RCL1: variants seen among roughly 807,000 people sequenced by gnomAD.
RCL1 encodes RNA 3'-terminal phosphate cyclase-like protein.
A neutral mutation model predicts 42.4 loss-of-function variants in RCL1; 24 were observed. The ratio of observed to expected loss-of-function variants is 0.57; its 90% CI spans 0.41 to 0.80. RCL1 has a LOEUF of 0.80. Among genes scored for constraint, RCL1 ranks in the 30% least tolerant of loss-of-function variants. The pLI is 0.00. For synonymous variants in RCL1, 228 were observed against 177.3 expected (o/e 1.29, Z -2.27); for missense variants, 578 against 467.9 (o/e 1.24, Z -2.17).
At chr9:4,801,621 T>C (rs1366740816) in intron 1 of RCL1, among the ~76,000 whole-genome samples, 1 of 152,174 alleles carries the variant, frequency 6.6e-6, no homozygotes, top group Non-Finnish European at 1.5e-5. Flanking sequence ...ATTTTAATGA[T>C]GTAGAATTTA....
At chr9:4,809,354 G>C (rs1418102864) in intron 1 of RCL1, among the ~76,000 whole-genome samples, 1 of 151,602 alleles carries the variant, frequency 6.6e-6, no homozygotes, top group Non-Finnish European at 1.5e-5. Flanking sequence ...TCTGTCGCCA[G>C]GCTGGAGTGC....
At chr9:4,840,001 G>A in intron 5 of RCL1, 2 of 645,342 alleles carry the variant, frequency 3.1e-6, no homozygotes, top group Non-Finnish European at 3.8e-6. Flanking sequence ...AGTTGATGGT[G>A]CAGAGCTGAA....
chr9:4,803,739 G>C (rs1330992034), intron 1 of RCL1: 1 of 158,148 alleles, frequency 6.3e-6, no homozygotes, highest in Non-Finnish European at 1.4e-5. Flanking sequence ...AAAAAAAAAA[G>C]CTACTGAATT....
intron 7 of RCL1, 64 bp downstream of exon 7, chr9:4,844,745 C>A (rs45498993): frequency 1.3e-6 from 2 of 1,520,152 alleles, no homozygotes; most frequent in Non-Finnish European, 1.8e-6. Context: ...TCATTCTCAT[C>A]TCTTGGCAGC....
intron 6 of RCL1, among the ~76,000 whole-genome samples, chr9:4,842,662 C>T (rs766348511): frequency 4.6e-5 from 7 of 152,154 alleles, no homozygotes; most frequent in Non-Finnish European, 8.8e-5. Flanking sequence ...TAATACCTTG[C>T]TTGTCACATG....
chr9:4,846,896 T>TTTTTCTTG (rs1817534468), intron 7 of RCL1, among the ~76,000 whole-genome samples: 2 of 151,230 alleles, frequency 1.3e-5, no homozygotes, highest in South Asian at 4.2e-4. Context: ...ATATTTTTCT[T>TTTTTCTTG]TTTTTTTTTG....
chr9:4,846,654 C>T lies in RCL1; in HGVS notation c.867+1973C>T, dbSNP rs919458692. On this transcript the variant is annotated intron_variant, in intron 7 of 8. Transcript: ENST00000381750. ...TTTTCCTGGTCCTGTAGTGTCTGGC[C>T]GTGGCTGGTCCTGTAGTGGCCTTCT... Among the ~76,000 whole-genome samples, 9 of 152,136 alleles carry T rather than the reference C, an allele frequency of 5.9e-5. 1 individual carries two copies. Among genetic ancestry groups the T allele is most frequent in the East Asian group, 5.8e-4 (3 of 5,174 alleles).
At chr9:4,806,587 TACACACACACACACACACACACACACAC>T (rs71326137) in intron 1 of RCL1, among the ~76,000 whole-genome samples, 1 of 135,684 alleles carries the variant, frequency 7.4e-6, no homozygotes, top group African/African-American at 2.8e-5. Context: ...CTACTTGATC[TACACACACACACACACACACACACACAC>T]ACACACACAC....
intron 8 of RCL1, chr9:4,850,428 G>C: frequency 4.7e-6 from 2 of 422,506 alleles, no homozygotes; most frequent in Non-Finnish European, 1.1e-5. Context: ...GCACCCTTGG[G>C]CCATGGCGTT....
intron 5 of RCL1, among the ~76,000 whole-genome samples, chr9:4,837,433 T>G (rs1365420180): frequency 2.6e-5 from 4 of 152,132 alleles, no homozygotes; most frequent in Non-Finnish European, 5.9e-5. Flanking sequence ...ATTTTGGGTT[T>G]GTCTGGGGGG....
At chr9:4,839,926 G>C in intron 5 of RCL1, 2 of 985,410 alleles carry the variant, frequency 2.0e-6, no homozygotes, top group Non-Finnish European at 2.4e-6. Flanking sequence ...TTGGGACCTC[G>C]GGCTGGGAGA....
At chr9:4,813,971 A>G (rs1816277379) in intron 1 of RCL1, among the ~76,000 whole-genome samples, 1 of 152,096 alleles carries the variant, frequency 6.6e-6, no homozygotes, top group South Asian at 2.1e-4. Flanking sequence ...TCTCACTCAT[A>G]GGTGGGAATT....
chr9:4,854,747 C>T (rs1283385146), intron 8 of RCL1, among the ~76,000 whole-genome samples: 1 of 152,116 alleles, frequency 6.6e-6, no homozygotes, highest in African/African-American at 2.4e-5. Flanking sequence ...GCAGTGGGAA[C>T]AACTCACCTT....
chr9:4,792,961 CTGGGCTGCTGGAGG>C lies in RCL1; in HGVS notation c.-130_-117del, dbSNP rs1842851863. 1.0e-6 allele frequency: 1 copy of C among 975,294 alleles called. No individual in the cohort carries two copies. 60.4% of individuals were successfully genotyped at this position (975,294 alleles called of 1,614,324 possible). ...CCTGTTCCAAACCACGTGGACGCGT[CTGGGCTGCTGGAGG>C]CAGCCCGAGCCGCCGCCGTCGGTGT... is the stretch of plus-strand genomic sequence containing the variant. On this transcript the variant is annotated 5_prime_UTR_variant, in exon 1 of 9. Coordinates refer to ENST00000381750, the MANE Select transcript of RCL1 (RefSeq NM_005772.5).
In RCL1 at chr9:4,860,578, G is replaced by A. The variant is rs1472237983; in HGVS notation, c.*303G>A. The A allele has an allele frequency of 6.4e-5, 18 of 280,890 alleles. No individual in the cohort carries two copies. The East Asian group carries it at 6.8e-4, about 11-fold the overall frequency. 17.4% of individuals were successfully genotyped at this position (280,890 alleles called of 1,614,324 possible). A position where few individuals can be genotyped will look rare whatever the true frequency, so the allele number is the denominator to read the frequency against. On this transcript the variant is annotated 3_prime_UTR_variant, in exon 9 of 9. Coordinates refer to ENST00000381750, the MANE Select transcript of RCL1 (RefSeq NM_005772.5). Reference sequence around the variant, plus strand: ...CTGCTAGAACAGTCTCGTAGCTGCAGTTCAGCTGTGCTTCCTCAGCCTACT... The same window carrying A: ...CTGCTAGAACAGTCTCGTAGCTGCAATTCAGCTGTGCTTCCTCAGCCTACT...
chr9:4,844,704 T>C (rs2236497), intron 7 of RCL1, 23 bp downstream of exon 7: 333,794 of 1,597,140 alleles, frequency 0.21, 37,797 homozygotes, highest in East Asian at 0.52. Flanking sequence ...CTTCCTCTGA[T>C]AGAGGAGTGA....
chr9:4,839,972 A>C lies in RCL1; in HGVS notation c.585-1260A>C, dbSNP rs955053100. The C allele has an allele frequency of 3.4e-6, 3 of 881,874 alleles. No homozygotes were observed. The African/African-American group carries it at 5.5e-5, about 16-fold the overall frequency. The allele number at this position is 881,874 out of a possible 1,614,324, so 54.6% of individuals were successfully genotyped here. A position where few individuals can be genotyped will look rare whatever the true frequency, so the allele number is the denominator to read the frequency against. On this transcript the variant is annotated intron_variant, in intron 5 of 8. Coordinates refer to ENST00000381750, the MANE Select transcript of RCL1 (RefSeq NM_005772.5). The stretch of plus-strand genomic sequence containing the variant: ...GCAGCTCAGGTTGAGGAATTTGGTC[A>C]GTTTGGATGGGTGGAAGGAGTTGAT...
intron 7 of RCL1, among the ~76,000 whole-genome samples, chr9:4,848,352 C>G (rs956434217): frequency 2.6e-5 from 4 of 152,312 alleles, no homozygotes; most frequent in African/African-American, 9.6e-5. Flanking sequence ...ATTTCCTTCA[C>G]CATTATTAGG....
At chr9:4,822,106 A>G (rs377499605) in intron 1 of RCL1, among the ~76,000 whole-genome samples, 1 of 152,238 alleles carries the variant, frequency 6.6e-6, no homozygotes, top group African/African-American at 2.4e-5. Context: ...TGTTTCTCTG[A>G]TTTCTAGCCC....
Sources: gnomAD v4.1 joint callset for allele counts (sites outside exome capture counted in the v4.1 genomes callset) on GRCh38, gnomAD v4.1.1 for gene constraint, MANE v1.5 for transcripts, NCBI Gene and HGNC (gene_info 2026-07-23, HGNC 2026-07-21) for gene names.